AGBL4: variants seen among roughly 807,000 people sequenced by gnomAD.
AGBL4 encodes cytosolic carboxypeptidase 6.
In AGBL4, 58 loss-of-function variants were observed where a neutral mutation model predicts 66.4. The ratio of observed to expected loss-of-function variants is 0.87; its 90% confidence interval spans 0.71 to 1.09. The LOEUF (loss-of-function observed/expected upper bound fraction) is 1.09, where lower values mean the gene tolerates loss of function less well. AGBL4 is among the 50% of genes least tolerant of loss of function. The pLI is 0.00. For synonymous variants in AGBL4, 234 were observed against 222.9 expected, an observed-to-expected ratio of 1.05 and a Z score of -0.44; for missense variants, 579 against 631.0, an observed-to-expected ratio of 0.92 and a Z score of 0.88.
chr1:49,740,120 G>T (rs1353547318), intron 2 of AGBL4, among the ~76,000 whole-genome samples: 4 of 152,190 alleles, frequency 2.6e-5, no homozygotes, highest in East Asian at 1.9e-4. Context: ...GGATAAAGAG[G>T]CAAGATCCAT....
chr1:49,549,289 C>G (rs1462958524), intron 3 of AGBL4, among the ~76,000 whole-genome samples: 1 of 150,710 alleles, frequency 6.6e-6, no homozygotes, highest in Non-Finnish European at 1.5e-5. Context: ...TAGTTCTGCC[C>G]TGATCTTGGT....
intron 1 of AGBL4, among the ~76,000 whole-genome samples, chr1:50,000,998 C>T (rs1254207212): frequency 6.7e-6 from 1 of 150,136 alleles, no homozygotes; most frequent in Non-Finnish European, 1.5e-5. Context: ...GTCTCAGAGA[C>T]CACGACTAAA....
chr1:49,114,628 T>C (rs1170207998), intron 4 of AGBL4, among the ~76,000 whole-genome samples: 1 of 152,206 alleles, frequency 6.6e-6, no homozygotes, highest in Non-Finnish European at 1.5e-5. Context: ...CTAAGATTAA[T>C]AATTTCTAGC....
intron 3 of AGBL4, among the ~76,000 whole-genome samples, chr1:49,505,311 CT>C (rs1648576557): frequency 6.6e-6 from 1 of 151,702 alleles, no homozygotes; most frequent in Non-Finnish European, 1.5e-5. Context: ...TGTGAAGTTA[CT>C]TTAACCAGTG....
downstream of AGBL4, among the ~76,000 whole-genome samples, chr1:48,531,473 G>A (rs755344947): frequency 3.3e-5 from 5 of 152,232 alleles, no homozygotes; most frequent in Middle Eastern, 3.4e-3. Flanking sequence ...ACAGATGTTC[G>A]TTCAGATTCT....
chr1:49,707,920 C>T (rs932333813), intron 2 of AGBL4, among the ~76,000 whole-genome samples: 2 of 152,100 alleles, frequency 1.3e-5, no homozygotes, highest in East Asian at 3.9e-4. Context: ...CAGAGACATC[C>T]CCTGTTAGTC....
intron 1 of AGBL4, among the ~76,000 whole-genome samples, chr1:50,009,189 G>C (rs1367033666): frequency 6.6e-6 from 1 of 151,756 alleles, no homozygotes; most frequent in Non-Finnish European, 1.5e-5. Context: ...ACACATCTAG[G>C]GAAAAACAAA....
At chr1:48,761,282 C>T (rs1177711990) in intron 6 of AGBL4, 30 of 1,499,378 alleles carry the variant, frequency 2.0e-5, no homozygotes, top group Admixed American at 1.6e-4. Flanking sequence ...TCTTTAGCTA[C>T]GAGATATCTG....
intron 2 of AGBL4, among the ~76,000 whole-genome samples, chr1:49,739,653 A>C (rs189658552): frequency 1.2e-3 from 178 of 152,330 alleles, no homozygotes; most frequent in African/African-American, 4.2e-3. Context: ...AGCCAGAGAG[A>C]AAGGTTGGGT....
Position 49,808,726 on chromosome 1 carries a change from C to G in AGBL4, c.157+42670G>C, listed in dbSNP as rs990834248. ...CACGTTGAATATATCAGAAAAATGC[C>G]CTGTTCCTAACATAGTAGAAACTAA... On this transcript the variant is annotated intron_variant, in intron 2 of 13. Coordinates refer to ENST00000371839, the MANE Select transcript of AGBL4 (RefSeq NM_032785.4). 2.6e-5 allele frequency among the ~76,000 whole-genome samples: 4 copies of G among 151,850 alleles called. 1 individual carries two copies. The highest frequency in any genetic ancestry group is 4.8e-5 in the African/African-American group (2 of 41,346).
intron 3 of AGBL4, among the ~76,000 whole-genome samples, chr1:49,664,922 A>G (rs1422835811): frequency 6.6e-6 from 1 of 152,164 alleles, no homozygotes; most frequent in Non-Finnish European, 1.5e-5. Context: ...ATATAAATTC[A>G]GAAGCATCTC....
chr1:50,001,157 G>GTATA (rs149505436), intron 1 of AGBL4, among the ~76,000 whole-genome samples: 3 of 148,310 alleles, frequency 2.0e-5, no homozygotes, highest in South Asian at 4.2e-4. Flanking sequence ...GACCACATGT[G>GTATA]TATATATATA....
At chr1:48,999,884 G>A (rs1352802041) in intron 5 of AGBL4, among the ~76,000 whole-genome samples, 1 of 152,026 alleles carries the variant, frequency 6.6e-6, no homozygotes, top group Non-Finnish European at 1.5e-5. Context: ...AGCATCAACA[G>A]AGTCCATTCT....
intron 3 of AGBL4, among the ~76,000 whole-genome samples, chr1:49,356,068 T>A (rs541937567): frequency 2.0e-5 from 3 of 152,054 alleles, no homozygotes; most frequent in African/African-American, 4.8e-5. Flanking sequence ...TATAAAAAAA[T>A]TTTGTCTCAT....
rs1158541045 is a variant in AGBL4, at chr1:49,830,558, G to T, written c.157+20838C>A. Among the ~76,000 whole-genome samples, 8 of 152,074 alleles carry T rather than the reference G, an allele frequency of 5.3e-5. No homozygotes were observed. In the South Asian group the frequency reaches 1.7e-3, roughly 32 times the overall value. On this transcript the variant is annotated intron_variant, in intron 2 of 13. Coordinates refer to ENST00000371839, the MANE Select transcript of AGBL4 (RefSeq NM_032785.4). ...AAATTTTTCTCCAATTTTGTGAGTT[G>T]CCTGTTCACTCTGATGATAGTTTCC...
At chr1:48,683,721 T>G (rs1269805021) in intron 6 of AGBL4, among the ~76,000 whole-genome samples, 1 of 152,128 alleles carries the variant, frequency 6.6e-6, no homozygotes, top group African/African-American at 2.4e-5. Context: ...AGCAAAAACA[T>G]TAAGTTGTCA....
At chr1:48,546,864 A>ACACAC (rs1553185398) in intron 11 of AGBL4, among the ~76,000 whole-genome samples, 2,622 of 128,314 alleles carry the variant, frequency 0.02, 80 homozygotes, top group African/African-American at 0.063. Context: ...AAAACAAACA[A>ACACAC]ACACACACAC....
In AGBL4 at chr1:49,016,815, G is replaced by C. The variant is rs375984640; in HGVS notation, c.594+28769C>G. Among the ~76,000 whole-genome samples, 69 of 152,332 alleles carry C rather than the reference G, an allele frequency of 4.5e-4. 1 individual carries two copies. In the South Asian group the frequency reaches 9.3e-3, roughly 21 times the overall value. On this transcript the variant is annotated intron_variant, in intron 5 of 13. Coordinates refer to ENST00000371839, the MANE Select transcript of AGBL4 (RefSeq NM_032785.4). ...GCCACTTGGAGCCCACCAAGTGTGT[G>C]AAATCTGCAATGTGCTTTGCAGTCC...
chr1:49,892,311 A>G (rs1398217480), intron 1 of AGBL4, among the ~76,000 whole-genome samples: 3 of 152,150 alleles, frequency 2.0e-5, no homozygotes, highest in Non-Finnish European at 4.4e-5. Context: ...AAGCTAAGGG[A>G]AAAAAAGTAT....
Sources: gnomAD v4.1 joint callset for allele counts (sites outside exome capture counted in the v4.1 genomes callset) on GRCh38, gnomAD v4.1.1 for gene constraint, MANE v1.5 for transcripts, NCBI Gene and HGNC (gene_info 2026-07-23, HGNC 2026-07-21) for gene names.